Variants in ARMC8 observed in about 807,000 individuals in gnomAD.
ARMC8 encodes armadillo repeat-containing protein 8.
A neutral mutation model predicts 99.3 loss-of-function variants in ARMC8; 20 were observed. The ratio of observed to expected loss-of-function variants is 0.20; its 90% CI spans 0.14 to 0.29. The LOEUF (loss-of-function observed/expected upper bound fraction) is 0.29, where lower values mean the gene tolerates loss of function less well. Ranked by LOEUF, ARMC8 falls within the 10% of genes least tolerant of loss-of-function variation. The pLI, the probability that ARMC8 is intolerant of heterozygous loss-of-function variation, is 1.00. For synonymous variants in ARMC8, 263 were observed against 278.3 expected (o/e 0.95, Z 0.55); for missense variants, 569 against 809.5 (o/e 0.70, Z 3.60).
chr3:138,296,032 T>A lies in ARMC8; in HGVS notation c.*140T>A. The A allele has an allele frequency of 7.3e-6, 5 of 686,920 alleles. No homozygotes were observed. Among genetic ancestry groups the A allele is most frequent in the Non-Finnish European group, 1.1e-5 (5 of 435,302 alleles). The allele number at this position is 686,920 out of a possible 1,614,324, so 42.6% of individuals were successfully genotyped here. ...GTTTTGCAAAAGCAGTTTAGTAGGC[T>A]TAGATCTCAAATTCATCTTGAGAAC... On this transcript the variant is annotated 3_prime_UTR_variant, in exon 22 of 22. Transcript: ENST00000469044.
intron 6 of ARMC8, among the ~76,000 whole-genome samples, chr3:138,233,808 G>A (rs2046187624): frequency 6.6e-6 from 1 of 152,186 alleles, no homozygotes; most frequent in South Asian, 2.1e-4. Flanking sequence ...CTTTTGGGGA[G>A]CCCAGACCGA....
chr3:138,187,672 G>C, intron 1 of ARMC8, 73 bp downstream of exon 1: 4 of 1,482,112 alleles, frequency 2.7e-6, no homozygotes, highest in Non-Finnish European at 2.7e-6. Flanking sequence ...TCCCCCAAGC[G>C]TGGTGTGCCT....
intron 12 of ARMC8, among the ~76,000 whole-genome samples, chr3:138,254,464 C>G (rs749245307): frequency 3.9e-4 from 60 of 152,292 alleles, no homozygotes; most frequent in Non-Finnish European, 7.2e-4. Flanking sequence ...TGCACAATTC[C>G]TGGGCACTGA....
chr3:138,218,093 G>T (rs933266220), intron 2 of ARMC8, among the ~76,000 whole-genome samples: 1 of 152,130 alleles, frequency 6.6e-6, no homozygotes, highest in African/African-American at 2.4e-5. Flanking sequence ...GGGTATATAA[G>T]GGTGAATAAT....
chr3:138,213,550 G>C (rs1357203688), intron 2 of ARMC8, among the ~76,000 whole-genome samples: 1 of 152,214 alleles, frequency 6.6e-6, no homozygotes, highest in African/African-American at 2.4e-5. Context: ...GGAAGTCACT[G>C]TGTAGGTCAT....
chr3:138,295,371 A>G (rs1409175871), intron 21 of ARMC8, among the ~76,000 whole-genome samples: 1 of 152,194 alleles, frequency 6.6e-6, no homozygotes, highest in Non-Finnish European at 1.5e-5. Context: ...GCCTCATCCC[A>G]TGGGCTCTTG....
chr3:138,226,391 T>C (rs952923471), intron 5 of ARMC8, among the ~76,000 whole-genome samples: 2 of 152,220 alleles, frequency 1.3e-5, no homozygotes, highest in Non-Finnish European at 2.9e-5. Flanking sequence ...GTTCTCAGAC[T>C]TGAAGTTGCA....
intron 10 of ARMC8, among the ~76,000 whole-genome samples, 189 bp downstream of exon 10, chr3:138,239,717 GT>G (rs2046514530): frequency 1.3e-5 from 2 of 152,118 alleles, no homozygotes; most frequent in Admixed American, 1.3e-4. Flanking sequence ...TTTTAGATGT[GT>G]TTCGAAAGTC....
At chr3:138,213,612 C>A (rs1291141178) in intron 2 of ARMC8, among the ~76,000 whole-genome samples, 1 of 152,082 alleles carries the variant, frequency 6.6e-6, no homozygotes, top group Non-Finnish European at 1.5e-5. Context: ...GTTAAACTAC[C>A]CTGCATTGCA....
chr3:138,194,005 T>G (rs879671625), intron 1 of ARMC8, among the ~76,000 whole-genome samples: 2 of 152,166 alleles, frequency 1.3e-5, no homozygotes, highest in Non-Finnish European at 2.9e-5. Flanking sequence ...TTGTTGATTT[T>G]TAATTGTCTT....
At chr3:138,201,976 T>C (rs2044112399) in intron 1 of ARMC8, among the ~76,000 whole-genome samples, 1 of 152,212 alleles carries the variant, frequency 6.6e-6, no homozygotes, top group Non-Finnish European at 1.5e-5. Context: ...TATGAAACCC[T>C]GAGGGTAAGG....
intron 10 of ARMC8, among the ~76,000 whole-genome samples, chr3:138,240,973 C>G (rs2046584518): frequency 6.6e-6 from 1 of 152,138 alleles, no homozygotes; most frequent in South Asian, 2.1e-4. Context: ...TTGCTTGAAT[C>G]CAGGAGGCAG....
intron 6 of ARMC8, among the ~76,000 whole-genome samples, chr3:138,231,334 A>G (rs111405149): frequency 0.064 from 9,731 of 152,160 alleles, 1,019 homozygotes; most frequent in African/African-American, 0.22. Context: ...TTTAAGACTC[A>G]TAGGGACTCA....
Position 138,237,470 on chromosome 3 carries a change from T to C in ARMC8, c.686-12T>C. 1.2e-6 allele frequency: 2 copies of C among 1,613,246 alleles called. No individual in the cohort carries two copies. The highest frequency in any genetic ancestry group is 1.7e-6 in the Non-Finnish European group (2 of 1,179,348). ...GAATTTCCTTAATCATTGTTGTTTG[T>C]TTTATTTCTAGTTTTGGTTGATGGA... is the stretch of plus-strand genomic sequence containing the variant. On this transcript the variant is annotated splice_polypyrimidine_tract_variant and intron_variant, in intron 8 of 21. Transcript: ENST00000469044.
chr3:138,293,087 A>G (rs2051127015), intron 21 of ARMC8, among the ~76,000 whole-genome samples: 1 of 152,174 alleles, frequency 6.6e-6, no homozygotes, highest in Non-Finnish European at 1.5e-5. Context: ...TAGCATCTGT[A>G]GAACACGTCA....
intron 1 of ARMC8, among the ~76,000 whole-genome samples, chr3:138,202,594 G>A (rs972533870): frequency 2.0e-5 from 3 of 152,164 alleles, no homozygotes; most frequent in Admixed American, 6.5e-5. Context: ...AGCCTGAGAC[G>A]TGATAACATC....
chr3:138,207,267 T>C (rs1450858490), intron 1 of ARMC8, among the ~76,000 whole-genome samples: 1 of 152,238 alleles, frequency 6.6e-6, no homozygotes, highest in African/African-American at 2.4e-5. Context: ...TTATGTTGTG[T>C]ATACTATAAT....
chr3:138,237,650 T>A, intron 9 of ARMC8, 78 bp downstream of exon 9: 1 of 1,173,794 alleles, frequency 8.5e-7, no homozygotes, highest in Non-Finnish European at 1.2e-6. Context: ...CCAAATTTGC[T>A]TGCTTCCAAT....
At chr3:138,212,879 A>G (rs962905135) in intron 2 of ARMC8, among the ~76,000 whole-genome samples, 10 of 152,242 alleles carry the variant, frequency 6.6e-5, no homozygotes, top group Non-Finnish European at 1.3e-4. Flanking sequence ...TTGAAAGGAC[A>G]TAAAATAATT....
Sources: gnomAD v4.1 joint callset for allele counts (sites outside exome capture counted in the v4.1 genomes callset) on GRCh38, gnomAD v4.1.1 for gene constraint, MANE v1.5 for transcripts, NCBI Gene and HGNC (gene_info 2026-07-23, HGNC 2026-07-21) for gene names.